The following DYNC2I1 variants were observed in gnomAD, a reference collection of about 807,000 sequenced individuals.
DYNC2I1 encodes cytoplasmic dynein 2 intermediate chain 1.
DYNC2I1 carries 89 observed loss-of-function variants against 133.4 expected under a neutral mutation model. The observed-to-expected ratio is 0.67, with a 90% CI of 0.56 to 0.80. DYNC2I1 has a LOEUF of 0.80. Among genes scored for constraint, DYNC2I1 ranks in the 30% least tolerant of loss-of-function variants. DYNC2I1 has a pLI of 0.00. For synonymous variants in DYNC2I1, 504 were observed against 484.3 expected (o/e 1.04, Z -0.54); for missense variants, 1,291 against 1,314.5 (o/e 0.98, Z 0.28).
the DYNC2I1 span, among the ~76,000 whole-genome samples, chr7:158,839,809 G>T: frequency 1.4e-5 from 2 of 144,104 alleles, no homozygotes; most frequent in African/African-American, 2.7e-5. Context: ...GACAGAATGA[G>T]ACTCCGTCTC....
intron 7 of DYNC2I1, among the ~76,000 whole-genome samples, chr7:158,889,692 AAAC>A (rs149391972): frequency 0.016 from 2,430 of 151,980 alleles, 51 homozygotes; most frequent in African/African-American, 0.056. Context: ...ATCTATATAA[AAAC>A]AACAACAACA....
intron 14 of DYNC2I1, among the ~76,000 whole-genome samples, chr7:158,915,506 G>C (rs1189107544): frequency 3.7e-4 from 51 of 136,086 alleles, no homozygotes; most frequent in East Asian, 1.5e-3. Context: ...CCTCGACACG[G>C]TGGTTGAGAT....
At position 158,856,726 on chromosome 7, in the gene DYNC2I1, G is replaced by T. The variant is rs1271898593; in HGVS notation, c.-10G>T. 1.9e-5 allele frequency: 23 copies of T among 1,234,288 alleles called. No individual in the cohort carries two copies. In the Admixed American group the frequency reaches 9.3e-4, roughly 50 times the overall value. 76.5% of individuals were successfully genotyped at this position (1,234,288 alleles called of 1,614,324 possible). The stretch of plus-strand genomic sequence containing the variant: ...GAGGACACCGCGGCCGCCCGGGCCT[G>T]CGGGAAGCGATGGAGCCCGGGAAGG... On this transcript the variant is annotated 5_prime_UTR_variant, in exon 1 of 25. Transcript: ENST00000407559.
At chr7:158,938,544 G>T (rs1851007130) in intron 23 of DYNC2I1, among the ~76,000 whole-genome samples, 1 of 152,258 alleles carries the variant, frequency 6.6e-6, no homozygotes, top group Non-Finnish European at 1.5e-5. Context: ...ATCAGTTGAG[G>T]TCAGGAGTTC....
At chr7:158,924,551 A>G (rs1849423528) in intron 17 of DYNC2I1, among the ~76,000 whole-genome samples, 1 of 152,182 alleles carries the variant, frequency 6.6e-6, no homozygotes, top group African/African-American at 2.4e-5. Flanking sequence ...GTGTGGGGCA[A>G]TACTACTACT....
chr7:158,888,019 CTTTTTTTTTTT>C (rs545903783), intron 7 of DYNC2I1, among the ~76,000 whole-genome samples: 10 of 96,596 alleles, frequency 1.0e-4, no homozygotes, highest in African/African-American at 3.5e-4. Flanking sequence ...AACCATTGTC[CTTTTTTTTTTT>C]TTTTTTTTTT....
rs965674524 is a variant in DYNC2I1 at position 158,856,593 on chromosome 7, G to A, written c.-143G>A. On this transcript the variant is annotated 5_prime_UTR_variant, in exon 1 of 25. Transcript: ENST00000407559. ...GCAGGGCACGCTGGGCAGTGCTTCT[G>A]GGCCCTCTGCTGCTCCTGCTTGTCG... 5.9e-6 allele frequency: 5 copies of A among 852,834 alleles called. No homozygotes were observed. The Middle Eastern group carries it at 1.1e-3, about 184-fold the overall frequency. 52.8% of individuals were successfully genotyped at this position (852,834 alleles called of 1,614,324 possible).
At position 158,901,762 on chromosome 7, in the gene DYNC2I1, T is replaced by C; in HGVS notation, c.1083T>C (p.Asp361=). 1 of 1,581,004 alleles carries C rather than the reference T, an allele frequency of 6.3e-7. No homozygotes were observed. The highest frequency in any genetic ancestry group is 1.2e-5 in the South Asian group (1 of 84,892). Residue 361 remains aspartate, a synonymous_variant, in exon 9 of 25, where the codon GAT becomes GAC. Transcript: ENST00000407559. The part of the protein sequence containing the change: ...ETVEIEKEET[D]LENARADAYT... Reference sequence around the variant, plus strand: ...AGGAAATTGAAAAGGAAGAAACTGATTTAGAAAATGCTAGAGCTGATGCAT... The same window carrying C: ...AGGAAATTGAAAAGGAAGAAACTGACTTAGAAAATGCTAGAGCTGATGCAT...
At chr7:158,906,341 G>C (rs1366492905) in intron 11 of DYNC2I1, among the ~76,000 whole-genome samples, 1 of 152,058 alleles carries the variant, frequency 6.6e-6, no homozygotes, top group East Asian at 1.9e-4. Flanking sequence ...GCTACCCTGG[G>C]AGTAAATCGA....
intron 20 of DYNC2I1, 87 bp from the exon 21 acceptor site, chr7:158,930,368 A>T: frequency 9.0e-7 from 1 of 1,105,334 alleles, no homozygotes. Context: ...ATATTTAAGC[A>T]ATGAAAAATG....
intron 23 of DYNC2I1, among the ~76,000 whole-genome samples, chr7:158,935,942 C>T (rs1850710355): frequency 6.6e-6 from 1 of 152,168 alleles, no homozygotes; most frequent in South Asian, 2.1e-4. Flanking sequence ...GCCCAAATCC[C>T]AGCACTTCGG....
intron 5 of DYNC2I1, among the ~76,000 whole-genome samples, chr7:158,883,195 T>C (rs964811294): frequency 6.6e-6 from 1 of 150,958 alleles, no homozygotes; most frequent in Non-Finnish European, 1.5e-5. Flanking sequence ...TCTCACTTTC[T>C]CTATATGATA....
At chr7:158,952,369 C>A (rs1219949796) in intron 4 of DYNC2I1, among the ~76,000 whole-genome samples, 2 of 152,242 alleles carry the variant, frequency 1.3e-5, no homozygotes, top group Middle Eastern at 3.4e-3. Context: ...ATCCCGCCTA[C>A]CTGAATTGGT....
chr7:158,922,539 G>T lies in DYNC2I1; in HGVS notation c.2084G>T (p.Cys695Phe). The T allele has an allele frequency of 6.2e-7, 1 of 1,613,686 alleles. No homozygotes were observed. Among genetic ancestry groups the T allele is most frequent in the Non-Finnish European group, 8.5e-7 (1 of 1,179,776 alleles). The change falls in exon 16 of 25, where the codon TGT becomes TTT. Residue 695 changes from cysteine (C) to phenylalanine (F), a missense_variant. Physicochemically the swap from Cys to Phe is radical, Grantham distance 205 (BLOSUM62 -2). Transcript: ENST00000407559. ...TCAGGGCCACAGAAAGTTCTGATAT[G>T]TGAGTCCCAGGTACAGCTCAGGATG... ...QPSGPQKVLI[C>F]ESQVTCCCLS...
upstream of DYNC2I1, among the ~76,000 whole-genome samples, chr7:158,856,295 G>T (rs1841221236): frequency 6.6e-6 from 1 of 152,126 alleles, no homozygotes. Context: ...TATCTTCCCC[G>T]ACTGTCAGTC....
At chr7:158,889,954 C>T (rs1483876937) in intron 7 of DYNC2I1, among the ~76,000 whole-genome samples, 4 of 141,948 alleles carry the variant, frequency 2.8e-5, no homozygotes, top group African/African-American at 5.3e-5. Context: ...TGCAGTGAGC[C>T]GAGATCGTGT....
At chr7:158,914,182 T>G in intron 13 of DYNC2I1, 51 bp from the exon 14 acceptor site, 1 of 1,474,572 alleles carries the variant, frequency 6.8e-7, no homozygotes, top group Non-Finnish European at 9.3e-7. Flanking sequence ...GTGTAATGCA[T>G]GATTATTTTA....
intron 1 of DYNC2I1, among the ~76,000 whole-genome samples, chr7:158,863,940 G>A (rs1421784966): frequency 7.0e-6 from 1 of 143,038 alleles, no homozygotes; most frequent in African/African-American, 2.6e-5. Context: ...GTGTGTGGGG[G>A]TGGGGAGCGG....
intron 3 of DYNC2I1, among the ~76,000 whole-genome samples, chr7:158,875,338 C>T (rs982244319): frequency 6.6e-6 from 1 of 152,118 alleles, no homozygotes; most frequent in Non-Finnish European, 1.5e-5. Flanking sequence ...CGTGATCCAC[C>T]TGCCTCGGCC....
Sources: gnomAD v4.1 joint callset for allele counts (sites outside exome capture counted in the v4.1 genomes callset) on GRCh38, gnomAD v4.1.1 for gene constraint, MANE v1.5 for transcripts, NCBI Gene and HGNC (gene_info 2026-07-23, HGNC 2026-07-21) for gene names.